The following MUC4 variants were observed in gnomAD, a reference collection of about 807,000 sequenced individuals.
The protein encoded by MUC4 is mucin 4, cell surface associated.
A neutral mutation model predicts 257.9 loss-of-function variants in MUC4; 202 were observed. That is an observed-to-expected ratio of 0.78 (90% confidence interval 0.70 to 0.88). MUC4 has a LOEUF of 0.88. Among genes scored for constraint, MUC4 ranks in the 40% least tolerant of loss-of-function variants. MUC4 has a pLI of 0.00. For synonymous variants in MUC4, 2,351 were observed against 2,757.1 expected (o/e 0.85, Z 4.62); for missense variants, 5,976 against 6,513.7 (o/e 0.92, Z 2.84).
rs112571646 is a variant in MUC4, at chr3:195,787,188, T to C, written c.4392A>G (p.Ser1464=). The C allele has an allele frequency of 1.2e-6, 1 of 815,052 alleles. No homozygotes were observed. The highest frequency in any genetic ancestry group is 1.8e-6 in the Non-Finnish European group (1 of 570,752). The allele number at this position is 815,052 out of a possible 1,614,324, so 50.5% of individuals were successfully genotyped here. A position where few individuals can be genotyped will look rare whatever the true frequency, so the allele number is the denominator to read the frequency against. Reference sequence around the variant, plus strand: ...GAGAGGTGGCCTGACCTGTGGATGCTGAGGAAGTGTCGGTGACAGGAAGAG... The same window carrying C: ...GAGAGGTGGCCTGACCTGTGGATGCCGAGGAAGTGTCGGTGACAGGAAGAG... ...TTPLPVTDTS[S]ASTGQATSLL... The change falls in exon 2 of 25, where the codon TCA becomes TCG. Residue 1464 remains serine (S), a synonymous_variant. Coordinates refer to ENST00000463781, the MANE Select transcript of MUC4 (RefSeq NM_018406.7).
At chr3:195,768,954 T>C in intron 7 of MUC4, 68 bp downstream of exon 7, 1 of 1,550,528 alleles carries the variant, frequency 6.4e-7, no homozygotes, top group African/African-American at 1.4e-5. Context: ...GGAGTGTGTG[T>C]GCAGCGAAAG....
At position 195,759,108 on chromosome 3, in the gene MUC4, A is replaced by G. The variant is rs973296972; in HGVS notation, c.14986+16T>C. The G allele has an allele frequency of 1.9e-6, 3 of 1,610,842 alleles. No homozygotes were observed. Among genetic ancestry groups the G allele is most frequent in the Non-Finnish European group, 2.5e-6 (3 of 1,178,358 alleles). The stretch of plus-strand genomic sequence containing the variant: ...ACCCACCTCCCCACTCTCCCCAGCC[A>G]GCCAAATAGTCCTACCAAAGAGCTC... On this transcript the variant is annotated intron_variant, in intron 17 of 24. Transcript: ENST00000463781.
At chr3:195,750,683 G>T (rs902225344) in intron 23 of MUC4, 31 of 592,978 alleles carry the variant, frequency 5.2e-5, no homozygotes, top group Non-Finnish European at 8.3e-5. Context: ...TGCTTGCTCC[G>T]TGAAGCTGTA....
intron 2 of MUC4, 118 bp downstream of exon 2, chr3:195,778,672 G>T: frequency 7.5e-7 from 1 of 1,326,820 alleles, no homozygotes; most frequent in East Asian, 2.5e-5. Flanking sequence ...CTCCCCTGTG[G>T]GACCTGACAC....
intron 4 of MUC4, 146 bp from the exon 5 acceptor site, chr3:195,771,962 G>T: frequency 1.2e-6 from 1 of 834,246 alleles, no homozygotes; most frequent in Non-Finnish European, 1.9e-6. Context: ...CCTGTGTCCT[G>T]TTTTGGGGAG....
chr3:195,752,467 T>C (rs755543309), intron 20 of MUC4, 21 bp from the exon 21 acceptor site: 3 of 1,603,800 alleles, frequency 1.9e-6, no homozygotes, highest in South Asian at 2.2e-5. Context: ...GAGAAGCAAA[T>C]GTATCATCAC....
chr3:195,762,806 C>T, intron 13 of MUC4, 49 bp downstream of exon 13: 1 of 1,478,934 alleles, frequency 6.8e-7, no homozygotes. Context: ...TCCCGCCCAC[C>T]TCGCTGCTCC....
chr3:195,767,713 G>GCCACCACCACCATCATCACCACCATCATT (rs1560263883), intron 7 of MUC4, among the ~76,000 whole-genome samples: 4 of 1,484 alleles, frequency 2.7e-3, no homozygotes, highest in African/African-American at 8.7e-3. Flanking sequence ...TACCACCATC[G>GCCACCACCACCATCATCACCACCATCATT]GCCACCACCA....
chr3:195,761,422 C>G lies in MUC4; in HGVS notation c.14614+62G>C, dbSNP rs1238774205. Reference sequence around the variant, plus strand: ...CTGCTTCCTACAGGGCCGAGGGGGACGACATAAACATACCGGCTCCCCTCA... The same window carrying G: ...CTGCTTCCTACAGGGCCGAGGGGGAGGACATAAACATACCGGCTCCCCTCA... On this transcript the variant is annotated intron_variant, in intron 15 of 24. Transcript: ENST00000463781. The G allele has an allele frequency of 5.1e-6, 7 of 1,379,242 alleles. No homozygotes were observed. In the South Asian group the frequency reaches 7.1e-5, roughly 14 times the overall value. The allele number at this position is 1,379,242 out of a possible 1,614,324, so 85.4% of individuals were successfully genotyped here. A position where few individuals can be genotyped will look rare whatever the true frequency, so the allele number is the denominator to read the frequency against.
intron 4 of MUC4, among the ~76,000 whole-genome samples, chr3:195,772,964 G>T (rs1308595841): frequency 7.7e-6 from 1 of 129,770 alleles, no homozygotes; most frequent in Non-Finnish European, 1.6e-5. Context: ...TCTCTCCATC[G>T]CTCAGGGGTG....
rs778718852 is a variant in MUC4 at position 195,771,710 on chromosome 3, AC to A, written c.13183del (p.Val4395TrpfsTer32). 2 of 1,613,886 alleles carry A rather than the reference AC, an allele frequency of 1.2e-6. No homozygotes were observed. The highest frequency in any genetic ancestry group is 1.7e-6 in the Non-Finnish European group (2 of 1,179,854). On this transcript the variant is annotated frameshift_variant, in exon 5 of 25. Transcript: ENST00000463781. LOFTEE classifies it high-confidence loss of function. ...GTCAGCATCGTCCCAGAACGGAGCC[AC>A]CAGGGCCACAGGGTCCCGGCCTGTG... Reference protein sequence around the residue: ...GFTGRDPVALVAPFWDDADFS... With the variant: ...GFTGRDPVALXAPFWDDADFS...
chr3:195,746,809 T>G lies in MUC4; in HGVS notation c.*367A>C. Reference sequence around the variant, plus strand: ...CAGAGAGACTTTATTTAAATAGAGTTAATTTGAAGTAAACCAGAGAGTTTT... The same window carrying G: ...CAGAGAGACTTTATTTAAATAGAGTGAATTTGAAGTAAACCAGAGAGTTTT... On this transcript the variant is annotated 3_prime_UTR_variant, in exon 25 of 25. Transcript: ENST00000463781. The G allele has an allele frequency of 6.4e-6, 2 of 311,710 alleles. No homozygotes were observed. Among genetic ancestry groups the G allele is most frequent in the Non-Finnish European group, 1.2e-5 (2 of 168,296 alleles). The allele number at this position is 311,710 out of a possible 1,614,324, so 19.3% of individuals were successfully genotyped here. A position where few individuals can be genotyped will look rare whatever the true frequency, so the allele number is the denominator to read the frequency against.
chr3:195,765,793 C>T (rs747503859), intron 8 of MUC4, among the ~76,000 whole-genome samples: 3 of 152,216 alleles, frequency 2.0e-5, no homozygotes, highest in African/African-American at 7.2e-5. Flanking sequence ...ATGGAGAAGG[C>T]GCCATTGTTT....
rs757040627 is a variant in MUC4, at chr3:195,779,149, G to A, written c.12431C>T (p.Pro4144Leu). Residue 4144 changes from proline (P) to leucine (L), a missense_variant, in exon 2 of 25, where the codon CCT becomes CTT. Around this residue, in one of 44 missense-constraint regions of MUC4, gnomAD observed 293 missense variants for 294.5 expected, o/e 1.00. Coordinates refer to ENST00000463781, the MANE Select transcript of MUC4 (RefSeq NM_018406.7). ...LSSVSTGDTT[P>L]LPVTIPSSAS... ...TGAGGAAGGGATGGTGACAGGAAGA[G>A]GCGTGGTGTCACCTGTGGATACTGA... is the stretch of plus-strand genomic sequence containing the variant. The A allele has an allele frequency of 7.1e-5, 100 of 1,403,474 alleles. 10 individuals are homozygous for A. The highest frequency in any genetic ancestry group is 9.0e-5 in the Non-Finnish European group (94 of 1,050,034). The allele number at this position is 1,403,474 out of a possible 1,614,324, so 86.9% of individuals were successfully genotyped here. A position where few individuals can be genotyped will look rare whatever the true frequency, so the allele number is the denominator to read the frequency against.
rs556072615 is a variant in MUC4 at position 195,792,605 on chromosome 3, A to G, written c.83-1108T>C. ...TCAAGGATCTAGAACCAGAAATACC[A>G]TTTGACCCAGCAATCCCATTACTGG... is the stretch of plus-strand genomic sequence containing the variant. On this transcript the variant is annotated intron_variant, in intron 1 of 24. Transcript: ENST00000463781. 2.0e-5 allele frequency among the ~76,000 whole-genome samples: 3 copies of G among 152,340 alleles called. No homozygotes were observed. In the South Asian group the frequency reaches 6.2e-4, roughly 32 times the overall value.
At position 195,765,389 on chromosome 3, in the gene MUC4, T is replaced by C; in HGVS notation, c.13679A>G (p.Glu4560Gly). ...CTGGCTCTTCAGCCACTGCAGGCAC[T>C]CGAGACGGTAGTTGGGCCTTTCTTC... ...HREERPNYRL[E>G]CLQWLKSQPR... The change falls in exon 9 of 25, where the codon GAG becomes GGG. Residue 4560 changes from glutamate (E) to glycine (G), a missense_variant. By Grantham distance (98) the Glu-to-Gly change is moderately conservative (BLOSUM62 -2). This residue lies in a region of MUC4 where 996 missense variants were observed against 1,137.3 expected (regional missense o/e 0.88). Coordinates refer to ENST00000463781, the MANE Select transcript of MUC4 (RefSeq NM_018406.7). 1 of 1,613,410 alleles carries C rather than the reference T, an allele frequency of 6.2e-7. No individual in the cohort carries two copies. Among genetic ancestry groups the C allele is most frequent in the Non-Finnish European group, 8.5e-7 (1 of 1,179,976 alleles).
chr3:195,752,526 GT>G, intron 20 of MUC4, 80 bp from the exon 21 acceptor site: 1 of 1,227,008 alleles, frequency 8.1e-7, no homozygotes, highest in Non-Finnish European at 1.2e-6. Context: ...GCCAGCCCAA[GT>G]TGACTGCTCC....
intron 10 of MUC4, 85 bp from the exon 11 acceptor site, chr3:195,764,249 G>A (rs1719904167): frequency 9.1e-7 from 1 of 1,095,464 alleles, no homozygotes; most frequent in Non-Finnish European, 1.1e-6. Flanking sequence ...GAGCTTGGCA[G>A]GGCAGGGCGG....
chr3:195,750,838 G>A, intron 23 of MUC4, 51 bp downstream of exon 23: 2 of 1,535,966 alleles, frequency 1.3e-6, no homozygotes, highest in African/African-American at 1.4e-5. Context: ...ACCTCTGTTT[G>A]CCCGCCCCCC....
Sources: allele counts gnomAD v4.1 joint callset (sites outside exome capture counted in the v4.1 genomes callset), GRCh38; gene constraint gnomAD v4.1.1; regional missense constraint gnomAD v4.1.1; transcripts MANE v1.5; gene names NCBI Gene and HGNC (gene_info 2026-07-23, HGNC 2026-07-21).